The following SAMD5 variants were observed in gnomAD, a reference collection of about 807,000 sequenced individuals.
The protein encoded by SAMD5 is sterile alpha motif domain-containing protein 5.
In SAMD5, 13 loss-of-function variants were observed where a neutral mutation model predicts 11.3. That is an observed-to-expected ratio of 1.15 (90% CI 0.75 to 1.83). SAMD5 has a LOEUF of 1.83. SAMD5 is among the 40% of genes most tolerant of loss of function. SAMD5 has a pLI of 0.00. For missense variants in SAMD5, 255 were observed against 239.1 expected (o/e 1.07, Z -0.44); for synonymous variants, 129 against 111.3 (o/e 1.16, Z -1.00).
rs146392647 is a variant in SAMD5 at position 147,634,075 on chromosome 6, G to A, written c.163-103242G>A. Among the ~76,000 whole-genome samples, 116 of 152,070 alleles carry A rather than the reference G, an allele frequency of 7.6e-4. 1 individual carries two copies. The highest frequency in any genetic ancestry group is 2.3e-3 in the African/African-American group (97 of 41,474). ...ATGGACATTTAATATAAATGAAATCGTACAATGGGTAGTCTTTTGTGTCTG... is the reference window on the plus strand; with the variant it reads ...ATGGACATTTAATATAAATGAAATCATACAATGGGTAGTCTTTTGTGTCTG... On this transcript the variant is annotated intron_variant, in intron 1 of 1. Transcript: ENST00000566741.
intron 1 of SAMD5, among the ~76,000 whole-genome samples, chr6:147,524,513 T>C (rs1307846537): frequency 1.3e-5 from 2 of 152,074 alleles, no homozygotes; most frequent in Non-Finnish European, 2.9e-5. Flanking sequence ...TTCATCGTGC[T>C]TTGATTTCAT....
At chr6:147,700,126 C>T (rs1791232628) in intron 1 of SAMD5, among the ~76,000 whole-genome samples, 1 of 152,086 alleles carries the variant, frequency 6.6e-6, no homozygotes, top group Non-Finnish European at 1.5e-5. Context: ...TAAAAAAGAT[C>T]CCTTGCCTTT....
chr6:147,518,679 A>G (rs975153272), intron 1 of SAMD5, among the ~76,000 whole-genome samples: 1 of 152,246 alleles, frequency 6.6e-6, no homozygotes, highest in African/African-American at 2.4e-5. Flanking sequence ...TTGATGACAC[A>G]CAGCTTCTCA....
At chr6:147,815,589 G>A in the SAMD5 span, among the ~76,000 whole-genome samples, 1 of 152,190 alleles carries the variant, frequency 6.6e-6, no homozygotes, top group East Asian at 1.9e-4. Flanking sequence ...GGGTCTGGAG[G>A]CATGACATGC....
At chr6:147,625,711 A>G (rs1790040329) in intron 1 of SAMD5, among the ~76,000 whole-genome samples, 1 of 152,122 alleles carries the variant, frequency 6.6e-6, no homozygotes, top group African/African-American at 2.4e-5. Context: ...CGTTAAAAGA[A>G]AACACATACA....
downstream of SAMD5, among the ~76,000 whole-genome samples, chr6:147,572,531 A>T (rs1019054122): frequency 9.9e-5 from 15 of 152,156 alleles, no homozygotes; most frequent in African/African-American, 3.6e-4. Context: ...GCTAGAGTGC[A>T]GTGGTATGAT....
At chr6:147,555,388 A>G (rs1788839305) in intron 1 of SAMD5, among the ~76,000 whole-genome samples, 1 of 152,236 alleles carries the variant, frequency 6.6e-6, no homozygotes, top group African/African-American at 2.4e-5. Flanking sequence ...AAATAACTAA[A>G]GTGAACCTAA....
intron 1 of SAMD5, among the ~76,000 whole-genome samples, chr6:147,558,324 A>G (rs1013822005): frequency 2.0e-5 from 3 of 152,160 alleles, no homozygotes; most frequent in African/African-American, 7.2e-5. Context: ...AAGACCCACC[A>G]TATTTTAACG....
chr6:147,937,436 CAGTA>C, the SAMD5 span, among the ~76,000 whole-genome samples: 3 of 152,152 alleles, frequency 2.0e-5, no homozygotes, highest in Admixed American at 2.0e-4. Flanking sequence ...ATTGGTTGAC[CAGTA>C]AGTACCAACT....
the SAMD5 span, among the ~76,000 whole-genome samples, chr6:147,759,802 G>A: frequency 1.3e-5 from 2 of 152,078 alleles, no homozygotes; most frequent in African/African-American, 2.4e-5. Context: ...AGCCTTCTGT[G>A]TGGTCTTTCT....
At chr6:147,620,997 C>T (rs9497825) in intron 1 of SAMD5, among the ~76,000 whole-genome samples, 65,645 of 147,808 alleles carry the variant, frequency 0.44, 14,879 homozygotes, top group South Asian at 0.58. Flanking sequence ...TGTGCGCGCG[C>T]GCACATGCGC....
the SAMD5 span, among the ~76,000 whole-genome samples, chr6:147,936,110 G>A: frequency 6.6e-5 from 10 of 152,052 alleles, no homozygotes; most frequent in Non-Finnish European, 8.8e-5. Context: ...GTAGTTTCTC[G>A]ATACAGATGG....
chr6:147,572,764 A>G (rs1789155839), downstream of SAMD5, among the ~76,000 whole-genome samples: 2 of 152,224 alleles, frequency 1.3e-5, no homozygotes, highest in Admixed American at 6.5e-5. Flanking sequence ...AGTATATGGT[A>G]TACTGCCAGA....
the SAMD5 span, among the ~76,000 whole-genome samples, chr6:147,919,139 G>A: frequency 2.0e-5 from 3 of 152,120 alleles, no homozygotes; most frequent in Non-Finnish European, 4.4e-5. Flanking sequence ...TAGTTTACAC[G>A]CTTGTCACTA....
At chr6:147,875,666 C>T in the SAMD5 span, among the ~76,000 whole-genome samples, 9 of 152,154 alleles carry the variant, frequency 5.9e-5, no homozygotes, top group East Asian at 9.7e-4. Context: ...CTCGCAAAAC[C>T]GCCTGAGCTC....
At chr6:147,874,462 G>A in the SAMD5 span, among the ~76,000 whole-genome samples, 1 of 151,916 alleles carries the variant, frequency 6.6e-6, no homozygotes, top group African/African-American at 2.4e-5. Flanking sequence ...TATGAGGACC[G>A]AGAAGCCCGT....
intron 1 of SAMD5, among the ~76,000 whole-genome samples, chr6:147,661,876 A>C (rs12661629): frequency 6.6e-6 from 1 of 151,872 alleles, no homozygotes; most frequent in South Asian, 2.1e-4. Flanking sequence ...TGATTTGCCC[A>C]CCTCGGCCTC....
chr6:147,511,390 A>G (rs17076847), intron 1 of SAMD5, among the ~76,000 whole-genome samples: 12,521 of 152,296 alleles, frequency 0.082, 620 homozygotes, highest in African/African-American at 0.13. Flanking sequence ...GCATTTGCAT[A>G]AGTGCAGTTT....
At chr6:147,589,803 T>A (rs1365072302) in intron 1 of SAMD5, among the ~76,000 whole-genome samples, 1 of 152,184 alleles carries the variant, frequency 6.6e-6, no homozygotes, top group Non-Finnish European at 1.5e-5. Flanking sequence ...ATAGTATAAA[T>A]GTGATGCCTA....
Sources: gnomAD v4.1 joint callset for allele counts (sites outside exome capture counted in the v4.1 genomes callset) on GRCh38, gnomAD v4.1.1 for gene constraint, MANE v1.5 for transcripts, NCBI Gene and HGNC (gene_info 2026-07-23, HGNC 2026-07-21) for gene names.